SLC2A4: variants seen among roughly 807,000 people sequenced by gnomAD.
The protein encoded by SLC2A4 is solute carrier family 2, facilitated glucose transporter member 4.
Under a neutral mutation model 53.3 loss-of-function variants are expected in SLC2A4, and 31 were observed. The observed-to-expected ratio is 0.58, with a 90% CI of 0.44 to 0.78. The LOEUF (loss-of-function observed/expected upper bound fraction) is 0.78, where lower values mean the gene tolerates loss of function less well. Among genes scored for constraint, SLC2A4 ranks in the 30% least tolerant of loss-of-function variants. The pLI is 0.00. For synonymous variants in SLC2A4, 276 were observed against 281.9 expected, an observed-to-expected ratio of 0.98 and a Z score of 0.21; for missense variants, 538 against 655.7, an observed-to-expected ratio of 0.82 and a Z score of 1.96.
rs767504332 is a variant in SLC2A4, at chr17:7,287,921, C to G, written c.*1292C>G. The G allele has an allele frequency of 3.3e-5, 5 of 152,268 alleles. No homozygotes were observed. Among genetic ancestry groups the G allele is most frequent in the Non-Finnish European group, 5.9e-5 (4 of 68,064 alleles). 9.4% of individuals were successfully genotyped at this position (152,268 alleles called of 1,614,324 possible). A position where few individuals can be genotyped will look rare whatever the true frequency, so the allele number is the denominator to read the frequency against. On this transcript the variant is annotated 3_prime_UTR_variant, in exon 11 of 11. Coordinates refer to ENST00000317370, the MANE Select transcript of SLC2A4 (RefSeq NM_001042.3). Reference sequence around the variant, plus strand: ...TTCCTCCCTCTGTCCTGCCTCAGCTCAAGGCCTCAGAATCTTCTGGATGCC... The same window carrying G: ...TTCCTCCCTCTGTCCTGCCTCAGCTGAAGGCCTCAGAATCTTCTGGATGCC...
At position 7,285,913 on chromosome 17, in the gene SLC2A4, G is replaced by A. The variant is rs1159058294; in HGVS notation, c.1326+5G>A. The A allele has an allele frequency of 1.9e-6, 3 of 1,610,180 alleles. No homozygotes were observed. The highest frequency in any genetic ancestry group is 2.7e-5 in the African/African-American group (2 of 74,798). On this transcript the variant is annotated splice_donor_5th_base_variant and intron_variant, in intron 10 of 10. Transcript: ENST00000317370. This position sits in a 1 kb window ranked among gnomAD's most constrained non-coding sequence, Gnocchi z 6.0. ...ATGGGTTTCCAGTATGTTGCGGTAGGTCCCCCCGCCCCAGCCTCCCACACC... is the reference window on the plus strand; with the variant it reads ...ATGGGTTTCCAGTATGTTGCGGTAGATCCCCCCGCCCCAGCCTCCCACACC...
In SLC2A4 at chr17:7,284,996, C is replaced by T. The variant is rs376441429; in HGVS notation, c.1020+57C>T. 8 of 1,613,986 alleles carry T rather than the reference C, an allele frequency of 5.0e-6. No homozygotes were observed. Among genetic ancestry groups the T allele is most frequent in the East Asian group, 2.2e-5 (1 of 44,896 alleles). On this transcript the variant is annotated intron_variant, in intron 8 of 10. Coordinates refer to ENST00000317370, the MANE Select transcript of SLC2A4 (RefSeq NM_001042.3). The surrounding 1 kb of genome is among the most constrained non-coding windows in gnomAD (Gnocchi z 7.5). Reference sequence around the variant, plus strand: ...ACTGGCTTCACCTCCCTGGGTGTCCCGGAGGTCCTGCTCTTGGTTGCCCTC... The same window carrying T: ...ACTGGCTTCACCTCCCTGGGTGTCCTGGAGGTCCTGCTCTTGGTTGCCCTC...
rs374677388 is a variant in SLC2A4 at position 7,283,649 on chromosome 17, C to A, written c.323+4C>A. 7.4e-6 allele frequency: 12 copies of A among 1,613,604 alleles called. No individual in the cohort carries two copies. The highest frequency in any genetic ancestry group is 1.0e-5 in the Non-Finnish European group (12 of 1,179,974). On this transcript the variant is annotated splice_donor_region_variant and intron_variant, in intron 3 of 10. Coordinates refer to ENST00000317370, the MANE Select transcript of SLC2A4 (RefSeq NM_001042.3). The surrounding 1 kb of genome is among the most constrained non-coding windows in gnomAD (Gnocchi z 5.8). Reference sequence around the variant, plus strand: ...TCATCTCTCAGTGGCTTGGAAGGTTCGCAGCTGGAGGGCAGGGGTGGGGGA... The same window carrying A: ...TCATCTCTCAGTGGCTTGGAAGGTTAGCAGCTGGAGGGCAGGGGTGGGGGA...
rs775018856 is a variant in SLC2A4, at chr17:7,283,304, G to A, written c.93G>A (p.Ala31=). The stretch of plus-strand genomic sequence containing the variant: ...CCCTGGTCCTTGCTGTGTTCTCTGC[G>A]GTGCTTGGCTCCCTGCAGTTTGGGT... ...TGTLVLAVFS[A]VLGSLQFGYN... is the part of the protein sequence containing the mutation. The change falls in exon 2 of 11, where the codon GCG becomes GCA. Residue 31 remains alanine, a synonymous_variant. Transcript: ENST00000317370. This position sits in a 1 kb window ranked among gnomAD's most constrained non-coding sequence, Gnocchi z 5.8. 96 of 1,614,014 alleles carry A rather than the reference G, an allele frequency of 5.9e-5. No homozygotes were observed. The East Asian group carries it at 1.4e-3, about 24-fold the overall frequency.
chr17:7,281,805 C>G lies in SLC2A4; in HGVS notation c.-130C>G. On this transcript the variant is annotated 5_prime_UTR_variant, in exon 1 of 11. Coordinates refer to ENST00000317370, the MANE Select transcript of SLC2A4 (RefSeq NM_001042.3). ...GCTTGTGGCTGTGGGTCCCATCGGG[C>G]CCGCCCTCGCACGTCACTCCGGGAC... is the stretch of plus-strand genomic sequence containing the variant. The G allele has an allele frequency of 1.1e-6, 1 of 932,914 alleles. No individual in the cohort carries two copies. Among genetic ancestry groups the G allele is most frequent in the East Asian group, 2.6e-5 (1 of 37,968 alleles). The allele number at this position is 932,914 out of a possible 1,614,324, so 57.8% of individuals were successfully genotyped here. A position where few individuals can be genotyped will look rare whatever the true frequency, so the allele number is the denominator to read the frequency against.
In SLC2A4 at chr17:7,284,729, G is replaced by A. The variant is rs964658778; in HGVS notation, c.915+57G>A. On this transcript the variant is annotated intron_variant, in intron 7 of 10. Coordinates refer to ENST00000317370, the MANE Select transcript of SLC2A4 (RefSeq NM_001042.3). The surrounding 1 kb of genome is among the most constrained non-coding windows in gnomAD (Gnocchi z 7.5). ...AGCCCCGGGAGGGTAGACGAGAGTG[G>A]GGAGCAAACCCCCTCCACCAACACC... The A allele has an allele frequency of 1.2e-6, 2 of 1,610,632 alleles. No homozygotes were observed. The highest frequency in any genetic ancestry group is 3.3e-5 in the Admixed American group (2 of 60,008).
chr17:7,281,913 C>T lies in SLC2A4; in HGVS notation c.-22C>T, dbSNP rs1442442232. The T allele has an allele frequency of 3.8e-6, 6 of 1,598,816 alleles. No homozygotes were observed. Among genetic ancestry groups the T allele is most frequent in the Non-Finnish European group, 5.1e-6 (6 of 1,172,454 alleles). On this transcript the variant is annotated 5_prime_UTR_variant, in exon 1 of 11. Transcript: ENST00000317370. The stretch of plus-strand genomic sequence containing the variant: ...TTCTTTCATCTTCGCCGCCCCTGCG[C>T]GTCCAGCTCTTCTAAGACGAGATGC...
In SLC2A4 at chr17:7,284,368, C is replaced by G; in HGVS notation, c.716C>G (p.Pro239Arg). Residue 239 changes from proline (P) to arginine (R), a missense_variant, in exon 6 of 11, where the codon CCT (proline) becomes CGT (arginine). Pro to Arg is a moderately radical substitution (Grantham distance 103). Transcript: ENST00000317370. The surrounding 1 kb of genome is among the most constrained non-coding windows in gnomAD (Gnocchi z 7.5). Reference protein sequence around the residue: ...YLYIIQNLEGPARKSLKRLTG... With the variant: ...YLYIIQNLEGRARKSLKRLTG... ...TACATCATCCAGAATCTCGAGGGGC[C>G]TGCCAGAAAGAGTAAGCTCTCCCGC... is the stretch of plus-strand genomic sequence containing the variant. The G allele has an allele frequency of 6.2e-7, 1 of 1,614,140 alleles. No individual in the cohort carries two copies. Among genetic ancestry groups the G allele is most frequent in the Non-Finnish European group, 8.5e-7 (1 of 1,180,040 alleles).
In SLC2A4 at chr17:7,285,051, C is replaced by T. The variant is rs1267819295; in HGVS notation, c.1021-37C>T. Reference sequence around the variant, plus strand: ...ACGCGGCCCCTCCTACTTCCCGTGCCCAAAAGGCTGGGGTCAAGCTCCGAC... The same window carrying T: ...ACGCGGCCCCTCCTACTTCCCGTGCTCAAAAGGCTGGGGTCAAGCTCCGAC... On this transcript the variant is annotated intron_variant, in intron 8 of 10. Transcript: ENST00000317370. This position sits in a 1 kb window ranked among gnomAD's most constrained non-coding sequence, Gnocchi z 6.0. 1 of 1,610,292 alleles carries T rather than the reference C, an allele frequency of 6.2e-7. No homozygotes were observed. Among genetic ancestry groups the T allele is most frequent in the East Asian group, 2.2e-5 (1 of 44,818 alleles).
At position 7,282,565 on chromosome 17, in the gene SLC2A4, G is replaced by C. The variant is rs978646743; in HGVS notation, c.33+598G>C. The C allele has an allele frequency of 2.7e-6, 1 of 374,760 alleles. No homozygotes were observed. Among genetic ancestry groups the C allele is most frequent in the African/African-American group, 2.1e-5 (1 of 47,548 alleles). The allele number at this position is 374,760 out of a possible 1,614,324, so 23.2% of individuals were successfully genotyped here. ...ACTACCTTCCTGCCCTCCTCCCCTG[G>C]GCATGGCTCTCCCAGGCAGAACCCC... is the stretch of plus-strand genomic sequence containing the variant. On this transcript the variant is annotated intron_variant, in intron 1 of 10. Coordinates refer to ENST00000317370, the MANE Select transcript of SLC2A4 (RefSeq NM_001042.3). This position sits in a 1 kb window ranked among gnomAD's most constrained non-coding sequence, Gnocchi z 4.1.
chr17:7,283,295 G>A lies in SLC2A4; in HGVS notation c.84G>A (p.Val28=). 1 of 1,614,196 alleles carries A rather than the reference G, an allele frequency of 6.2e-7. No homozygotes were observed. Among genetic ancestry groups the A allele is most frequent in the Non-Finnish European group, 8.5e-7 (1 of 1,180,038 alleles). ...TGACTGGGACCCTGGTCCTTGCTGT[G>A]TTCTCTGCGGTGCTTGGCTCCCTGC... ...QRVTGTLVLA[V]FSAVLGSLQF... Residue 28 remains valine, a synonymous_variant, in exon 2 of 11, where the codon GTG becomes GTA. Coordinates refer to ENST00000317370, the MANE Select transcript of SLC2A4 (RefSeq NM_001042.3). The surrounding 1 kb of genome is among the most constrained non-coding windows in gnomAD (Gnocchi z 5.8).
In SLC2A4 at chr17:7,284,180, T is replaced by C; in HGVS notation, c.565-37T>C. ...GGCTTCCAAGGTAAGGCAGAAGGGC[T>C]GAGTGACCTGCCTTCTTTCCCAACC... On this transcript the variant is annotated intron_variant, in intron 5 of 10. Coordinates refer to ENST00000317370, the MANE Select transcript of SLC2A4 (RefSeq NM_001042.3). This position sits in a 1 kb window ranked among gnomAD's most constrained non-coding sequence, Gnocchi z 7.5. 1 of 1,611,194 alleles carries C rather than the reference T, an allele frequency of 6.2e-7. No individual in the cohort carries two copies. Among genetic ancestry groups the C allele is most frequent in the Non-Finnish European group, 8.5e-7 (1 of 1,179,602 alleles).
chr17:7,285,712 T>C lies in SLC2A4; in HGVS notation c.1130T>C (p.Val377Ala). ...MTVALLLLER[V>A]PAMSYVSIVA... is the part of the protein sequence containing the mutation. Reference sequence around the variant, plus strand: ...TCCCTGTCTGGCCCCTAGGAGCGAGTTCCAGCCATGAGCTACGTCTCCATT... The same window carrying C: ...TCCCTGTCTGGCCCCTAGGAGCGAGCTCCAGCCATGAGCTACGTCTCCATT... Residue 377 changes from valine (V) to alanine (A), a missense_variant, in exon 10 of 11, where the codon GTT becomes GCT. By Grantham distance (64) the Val-to-Ala change is moderately conservative. Coordinates refer to ENST00000317370, the MANE Select transcript of SLC2A4 (RefSeq NM_001042.3). The surrounding 1 kb of genome is among the most constrained non-coding windows in gnomAD (Gnocchi z 6.0). 1 of 1,613,988 alleles carries C rather than the reference T, an allele frequency of 6.2e-7. No individual in the cohort carries two copies. The highest frequency in any genetic ancestry group is 2.2e-5 in the East Asian group (1 of 44,868).
At position 7,284,184 on chromosome 17, in the gene SLC2A4, T is replaced by C; in HGVS notation, c.565-33T>C. The C allele has an allele frequency of 6.2e-7, 1 of 1,611,246 alleles. No individual in the cohort carries two copies. The highest frequency in any genetic ancestry group is 8.5e-7 in the Non-Finnish European group (1 of 1,179,756). ...TCCAAGGTAAGGCAGAAGGGCTGAG[T>C]GACCTGCCTTCTTTCCCAACCTTCT... On this transcript the variant is annotated intron_variant, in intron 5 of 10. Transcript: ENST00000317370. This position sits in a 1 kb window ranked among gnomAD's most constrained non-coding sequence, Gnocchi z 7.5.
Position 7,286,791 on chromosome 17 carries a change from AC to A in SLC2A4, c.*167del, listed in dbSNP as rs2072454293. 2.9e-6 allele frequency: 2 copies of A among 690,888 alleles called. No individual in the cohort carries two copies. The highest frequency in any genetic ancestry group is 3.3e-5 in the South Asian group (2 of 60,910). The allele number at this position is 690,888 out of a possible 1,614,324, so 42.8% of individuals were successfully genotyped here. ...AAGCTGGGGGAAGGGTGGTCTGAGCACCCCCTCATTCCCCTCGTGTGACTCT... is the reference window on the plus strand; with the variant it reads ...AAGCTGGGGGAAGGGTGGTCTGAGCACCCCTCATTCCCCTCGTGTGACTCT... On this transcript the variant is annotated 3_prime_UTR_variant, in exon 11 of 11. Transcript: ENST00000317370.
In SLC2A4 at chr17:7,287,693, G is replaced by A. The variant is rs950314979; in HGVS notation, c.*1064G>A. Reference sequence around the variant, plus strand: ...CTAAGGCAAAGAGGGGATTTGAAAGGCTGCCTGGAAACACTGGGCTGGGAG... The same window carrying A: ...CTAAGGCAAAGAGGGGATTTGAAAGACTGCCTGGAAACACTGGGCTGGGAG... On this transcript the variant is annotated 3_prime_UTR_variant, in exon 11 of 11. Coordinates refer to ENST00000317370, the MANE Select transcript of SLC2A4 (RefSeq NM_001042.3). 6.6e-6 allele frequency: 1 copy of A among 152,230 alleles called. No homozygotes were observed. Among genetic ancestry groups the A allele is most frequent in the Non-Finnish European group, 1.5e-5 (1 of 68,060 alleles). The allele number at this position is 152,230 out of a possible 1,614,324, so 9.4% of individuals were successfully genotyped here.
intron 10 of SLC2A4, 177 bp from the exon 11 acceptor site, chr17:7,286,249 G>A (rs2072448523): frequency 1.4e-6 from 1 of 733,924 alleles, no homozygotes; most frequent in Non-Finnish European, 2.5e-6. Context: ...GGGGTTCAGA[G>A]AATCCTCTTT....
In SLC2A4 at chr17:7,287,115, GTTTTTTTTTTTT is replaced by G. The variant is rs35240617; in HGVS notation, c.*504_*515del. On this transcript the variant is annotated 3_prime_UTR_variant, in exon 11 of 11. Coordinates refer to ENST00000317370, the MANE Select transcript of SLC2A4 (RefSeq NM_001042.3). Reference sequence around the variant, plus strand: ...TGCCACGCAGACTCTGGGCAAAGGGGTTTTTTTTTTTTTTTTTTTTTTTTTTTTTGAGACAGT... The same window carrying G: ...TGCCACGCAGACTCTGGGCAAAGGGGTTTTTTTTTTTTTTTTTGAGACAGT... 7 of 97,696 alleles carry G rather than the reference GTTTTTTTTTTTT, an allele frequency of 7.2e-5. No individual in the cohort carries two copies. The highest frequency in any genetic ancestry group is 1.0e-4 in the Non-Finnish European group (5 of 49,466). 6.1% of individuals were successfully genotyped at this position (97,696 alleles called of 1,614,324 possible). A position where few individuals can be genotyped will look rare whatever the true frequency, so the allele number is the denominator to read the frequency against.
chr17:7,285,069 G>T lies in SLC2A4; in HGVS notation c.1021-19G>T. On this transcript the variant is annotated intron_variant, in intron 8 of 10. Transcript: ENST00000317370. The surrounding 1 kb of genome is among the most constrained non-coding windows in gnomAD (Gnocchi z 6.0). ...CCCGTGCCCAAAAGGCTGGGGTCAA[G>T]CTCCGACTCTCCCCGCAGGTGTTGT... The T allele has an allele frequency of 6.2e-7, 1 of 1,608,046 alleles. No individual in the cohort carries two copies. Among genetic ancestry groups the T allele is most frequent in the Non-Finnish European group, 8.5e-7 (1 of 1,177,812 alleles).
Sources: allele counts gnomAD v4.1 joint callset, GRCh38; gene constraint gnomAD v4.1.1; non-coding constraint Gnocchi (gnomAD v3.1); transcripts MANE v1.5; gene names NCBI Gene and HGNC (gene_info 2026-07-23, HGNC 2026-07-21).